KIF16B: variants seen among roughly 807,000 people sequenced by gnomAD.
KIF16B encodes the protein kinesin-like protein KIF16B.
A neutral mutation model predicts 156.3 loss-of-function variants in KIF16B; 98 were observed. The ratio of observed to expected loss-of-function variants is 0.63; its 90% CI spans 0.53 to 0.74. KIF16B has a LOEUF of 0.74. Ranked by LOEUF, KIF16B falls within the 30% of genes least tolerant of loss-of-function variation. The pLI, the probability that KIF16B is intolerant of heterozygous loss-of-function variation, is 0.00. For synonymous variants in KIF16B, 564 were observed against 583.7 expected (o/e 0.97, Z 0.49); for missense variants, 1,421 against 1,606.5 (o/e 0.88, Z 1.97).
chr20:16,553,722 C>T (rs1600687037), intron 1 of KIF16B, among the ~76,000 whole-genome samples: 2 of 152,262 alleles, frequency 1.3e-5, no homozygotes, highest in Admixed American at 6.5e-5. Context: ...TTCTTCTCCA[C>T]ATTCATAGCA....
intron 15 of KIF16B, among the ~76,000 whole-genome samples, chr20:16,416,962 C>A (rs2066105282): frequency 6.6e-6 from 1 of 152,214 alleles, no homozygotes; most frequent in African/African-American, 2.4e-5. Context: ...GAAAGGGAAT[C>A]TTTCTTTCCC....
chr20:16,288,714 T>C (rs112803609), intron 25 of KIF16B, among the ~76,000 whole-genome samples: 1 of 150,718 alleles, frequency 6.6e-6, no homozygotes, highest in African/African-American at 2.4e-5. Flanking sequence ...GTATGTACCT[T>C]AGTAAACACA....
At chr20:16,551,132 C>CTTTTTTT (rs11474777) in intron 1 of KIF16B, among the ~76,000 whole-genome samples, 2 of 139,134 alleles carry the variant, frequency 1.4e-5, no homozygotes, top group South Asian at 2.3e-4. Context: ...GCTTTCTCTT[C>CTTTTTTT]TTTTTTTTTT....
At chr20:16,524,159 C>T (rs2069449792) in intron 3 of KIF16B, among the ~76,000 whole-genome samples, 6 of 152,062 alleles carry the variant, frequency 3.9e-5, no homozygotes, top group African/African-American at 1.4e-4. Flanking sequence ...GCAACAAAAG[C>T]AAAAGGTGAC....
At chr20:16,277,758 C>T (rs922552873) in intron 25 of KIF16B, among the ~76,000 whole-genome samples, 1 of 152,108 alleles carries the variant, frequency 6.6e-6, no homozygotes, top group Non-Finnish European at 1.5e-5. Flanking sequence ...GTGACTTATC[C>T]AGGTCAGAAG....
chr20:16,376,170 G>A (rs760304800), intron 19 of KIF16B, among the ~76,000 whole-genome samples: 71 of 152,122 alleles, frequency 4.7e-4, no homozygotes, highest in Non-Finnish European at 8.5e-4. Flanking sequence ...TATTATCATC[G>A]TCATTGTTAA....
At chr20:16,426,605 C>A (rs181825510) in intron 15 of KIF16B, among the ~76,000 whole-genome samples, 1 of 152,092 alleles carries the variant, frequency 6.6e-6, no homozygotes, top group Admixed American at 6.6e-5. Context: ...TATTCAAGGA[C>A]GGCAGGGCAC....
chr20:16,327,410 T>A, intron 24 of KIF16B, among the ~76,000 whole-genome samples: 1 of 151,816 alleles, frequency 6.6e-6, no homozygotes, highest in Admixed American at 6.6e-5. Context: ...AACTTATCCA[T>A]GTAACCAAAC....
intron 23 of KIF16B, 132 bp downstream of exon 23, chr20:16,356,198 A>G (rs1299299059): frequency 8.7e-6 from 10 of 1,147,608 alleles, no homozygotes; most frequent in Admixed American, 2.3e-5. Context: ...GGTTTAAAGA[A>G]GGGCAAGACC....
At chr20:16,432,422 C>T (rs1490345013) in intron 12 of KIF16B, among the ~76,000 whole-genome samples, 1 of 152,160 alleles carries the variant, frequency 6.6e-6, no homozygotes, top group Non-Finnish European at 1.5e-5. Context: ...ACCTCTGTAA[C>T]TCCAACACCC....
At chr20:16,432,189 C>T (rs775605458) in intron 12 of KIF16B, among the ~76,000 whole-genome samples, 2 of 152,080 alleles carry the variant, frequency 1.3e-5, no homozygotes, top group Non-Finnish European at 2.9e-5. Context: ...AAGTAGAAAG[C>T]AGACAAATTC....
chr20:16,484,676 G>T (rs188087543), intron 12 of KIF16B, among the ~76,000 whole-genome samples: 105 of 152,304 alleles, frequency 6.9e-4, no homozygotes, highest in African/African-American at 2.4e-3. Flanking sequence ...GGTACTGGTG[G>T]TGGCTTTTGT....
At chr20:16,338,243 T>A (rs534594955) in intron 23 of KIF16B, among the ~76,000 whole-genome samples, 2 of 152,300 alleles carry the variant, frequency 1.3e-5, no homozygotes, top group East Asian at 3.9e-4. Context: ...ACACTCTTCA[T>A]CCTACCGTGC....
intron 1 of KIF16B, among the ~76,000 whole-genome samples, chr20:16,541,506 G>A (rs1415588991): frequency 6.6e-6 from 1 of 152,228 alleles, no homozygotes; most frequent in East Asian, 1.9e-4. Flanking sequence ...AGTCTCCCAT[G>A]CTAAGTGAAA....
intron 15 of KIF16B, among the ~76,000 whole-genome samples, chr20:16,425,458 T>G (rs2066327947): frequency 6.6e-6 from 1 of 152,112 alleles, no homozygotes; most frequent in African/African-American, 2.4e-5. Flanking sequence ...TAATCACCAT[T>G]TGGCAACCAT....
chr20:16,466,775 C>T (rs76526617), intron 12 of KIF16B, among the ~76,000 whole-genome samples: 40 of 151,576 alleles, frequency 2.6e-4, no homozygotes, highest in Admixed American at 9.2e-4. Flanking sequence ...AACCCACCAG[C>T]AGAAAGTTCT....
chr20:16,551,352 T>C (rs2070655178), intron 1 of KIF16B, among the ~76,000 whole-genome samples: 1 of 152,004 alleles, frequency 6.6e-6, no homozygotes, highest in South Asian at 2.1e-4. Context: ...CTGGTCTCAG[T>C]CTCCTGACCT....
chr20:16,397,119 G>C (rs1600286786), intron 17 of KIF16B, among the ~76,000 whole-genome samples: 1 of 152,332 alleles, frequency 6.6e-6, no homozygotes, highest in East Asian at 1.9e-4. Context: ...TTAGCTGCCT[G>C]TTTGCAGTCT....
At chr20:16,438,034 C>T (rs1368008598) in intron 12 of KIF16B, among the ~76,000 whole-genome samples, 2 of 150,826 alleles carry the variant, frequency 1.3e-5, no homozygotes, top group Non-Finnish European at 2.9e-5. Context: ...GTAGTCCTAG[C>T]TACTTGAGAG....
Sources: gnomAD v4.1 joint callset for allele counts (sites outside exome capture counted in the v4.1 genomes callset) on GRCh38, gnomAD v4.1.1 for gene constraint, MANE v1.5 for transcripts, NCBI Gene and HGNC (gene_info 2026-07-23, HGNC 2026-07-21) for gene names.